The following RAB31 variants were observed in gnomAD, a reference collection of about 807,000 sequenced individuals.
The protein encoded by RAB31 is RAB31, member RAS oncogene family, also known as ras-related protein Rab-31.
A neutral mutation model predicts 25.6 loss-of-function variants in RAB31; 21 were observed. That is an observed-to-expected ratio of 0.82 (90% CI 0.58 to 1.18). The LOEUF (loss-of-function observed/expected upper bound fraction) is 1.18, where lower values mean the gene tolerates loss of function less well. RAB31 is among the 50% of genes most tolerant of loss of function. The pLI, the probability that RAB31 is intolerant of heterozygous loss-of-function variation, is 0.00. For synonymous variants in RAB31, 87 were observed against 84.0 expected, an observed-to-expected ratio of 1.04 and a Z score of -0.20; for missense variants, 196 against 250.1, an observed-to-expected ratio of 0.78 and a Z score of 1.46.
intron 1 of RAB31, among the ~76,000 whole-genome samples, chr18:9,721,488 T>C (rs1003061496): frequency 2.6e-5 from 4 of 151,990 alleles, no homozygotes; most frequent in African/African-American, 9.7e-5. Context: ...TGGTGGTGCA[T>C]GCCTGTAATC....
intron 1 of RAB31, chr18:9,775,013 A>ATT: frequency 1.7e-6 from 1 of 577,804 alleles, no homozygotes; most frequent in Non-Finnish European, 3.1e-6. Context: ...GAACATGTTC[A>ATT]TTTTTGGTTA....
intron 1 of RAB31, among the ~76,000 whole-genome samples, chr18:9,760,917 C>T (rs189159483): frequency 1.3e-5 from 2 of 152,222 alleles, no homozygotes; most frequent in African/African-American, 2.4e-5. Flanking sequence ...TAACGCTTCA[C>T]AGGGAGCTGT....
intron 6 of RAB31, chr18:9,856,327 G>T (rs1054563536): frequency 1.3e-5 from 2 of 152,208 alleles, no homozygotes; most frequent in African/African-American, 4.8e-5. Context: ...GCAGCAAAGA[G>T]GAAGGAGGTG....
chr18:9,765,060 C>A (rs1449167072), intron 1 of RAB31, among the ~76,000 whole-genome samples: 1 of 152,022 alleles, frequency 6.6e-6, no homozygotes, highest in Non-Finnish European at 1.5e-5. Flanking sequence ...TCAAGCAATT[C>A]TCTTGCCTCA....
Position 9,858,408 on chromosome 18 carries a change from C to T in RAB31, c.491-820C>T, listed in dbSNP as rs572060602. On this transcript the variant is annotated intron_variant, in intron 6 of 6. Coordinates refer to ENST00000578921, the MANE Select transcript of RAB31 (RefSeq NM_006868.4). ...ATTGAGATAAAATTCACATACCATA[C>T]ATTTCACCCATTTCAAATGTACAAT... 5.9e-5 allele frequency among the ~76,000 whole-genome samples: 9 copies of T among 152,264 alleles called. No homozygotes were observed. The South Asian group carries it at 1.9e-3, about 32-fold the overall frequency.
chr18:9,829,406 T>C (rs191472851), intron 5 of RAB31, among the ~76,000 whole-genome samples: 79 of 152,370 alleles, frequency 5.2e-4, no homozygotes, highest in African/African-American at 1.8e-3. Flanking sequence ...TACATATTCA[T>C]TGCTGTCTAC....
chr18:9,730,365 C>T (rs1386745359), intron 1 of RAB31, among the ~76,000 whole-genome samples: 2 of 150,676 alleles, frequency 1.3e-5, no homozygotes, highest in African/African-American at 4.9e-5. Flanking sequence ...TGGCTCACTG[C>T]AGCCTCTGCC....
At chr18:9,746,229 A>G (rs973177992) in intron 1 of RAB31, among the ~76,000 whole-genome samples, 11 of 152,260 alleles carry the variant, frequency 7.2e-5, no homozygotes, top group Non-Finnish European at 1.6e-4. Flanking sequence ...ATATACAATG[A>G]AAACTAAAGA....
chr18:9,724,298 A>C (rs913336186), intron 1 of RAB31, among the ~76,000 whole-genome samples: 2 of 140,644 alleles, frequency 1.4e-5, no homozygotes, highest in African/African-American at 2.7e-5. Flanking sequence ...CAAAAAAAAA[A>C]CATTATTATT....
chr18:9,760,765 G>A (rs1240328985), intron 1 of RAB31, among the ~76,000 whole-genome samples: 1 of 152,204 alleles, frequency 6.6e-6, no homozygotes, highest in Admixed American at 6.5e-5. Context: ...CTAAGGACGC[G>A]TGGAATGGGG....
intron 1 of RAB31, among the ~76,000 whole-genome samples, chr18:9,740,130 G>A (rs896636985): frequency 2.0e-5 from 3 of 152,168 alleles, no homozygotes; most frequent in African/African-American, 7.2e-5. Flanking sequence ...CCTTCAGTTC[G>A]GCTGTTGAGC....
At position 9,835,126 on chromosome 18, in the gene RAB31, G is replaced by A. The variant is rs538550977; in HGVS notation, c.381-10456G>A. On this transcript the variant is annotated intron_variant, in intron 5 of 6. Coordinates refer to ENST00000578921, the MANE Select transcript of RAB31 (RefSeq NM_006868.4). Reference sequence around the variant, plus strand: ...CGAGACACAGGTGGGTCAAGGGGTCGATCCTAGGTCCTGTAGCTAAGACGG... The same window carrying A: ...CGAGACACAGGTGGGTCAAGGGGTCAATCCTAGGTCCTGTAGCTAAGACGG... Among the ~76,000 whole-genome samples the A allele has an allele frequency of 9.2e-5, 14 of 152,208 alleles. No individual in the cohort carries two copies. The South Asian group carries it at 2.9e-3, about 32-fold the overall frequency.
intron 1 of RAB31, among the ~76,000 whole-genome samples, chr18:9,716,515 G>C (rs929564705): frequency 2.0e-5 from 3 of 152,150 alleles, no homozygotes; most frequent in Non-Finnish European, 2.9e-5. Flanking sequence ...TGCTTTATGG[G>C]AAAAGAAGGC....
intron 1 of RAB31, among the ~76,000 whole-genome samples, chr18:9,716,830 G>A (rs564208964): frequency 3.3e-5 from 5 of 151,978 alleles, no homozygotes; most frequent in African/African-American, 1.2e-4. Flanking sequence ...TTATAGCCTC[G>A]AACTCCTGGG....
chr18:9,732,895 C>A (rs910040387), intron 1 of RAB31, among the ~76,000 whole-genome samples: 3 of 152,114 alleles, frequency 2.0e-5, no homozygotes, highest in African/African-American at 7.2e-5. Flanking sequence ...GCATAATAAC[C>A]TGGAGCATGA....
chr18:9,842,095 G>A (rs183031657), intron 5 of RAB31, among the ~76,000 whole-genome samples: 1 of 152,296 alleles, frequency 6.6e-6, no homozygotes, highest in Non-Finnish European at 1.5e-5. Flanking sequence ...TAGTGAGGGC[G>A]AGGGGTGGGA....
rs1599071211 is a variant in RAB31, at chr18:9,859,255, A to G, written c.518A>G (p.His173Arg). The G allele has an allele frequency of 3.1e-6, 5 of 1,613,876 alleles. No individual in the cohort carries two copies. The highest frequency in any genetic ancestry group is 2.2e-5 in the East Asian group (1 of 44,882). Reference protein sequence around the residue: ...ISRQIPPLDPHENGNNGTIKV... With the variant: ...ISRQIPPLDPRENGNNGTIKV... Reference sequence around the variant, plus strand: ...CGCCAGATCCCACCCTTGGACCCCCATGAAAATGGAAACAATGGAACAATC... The same window carrying G: ...CGCCAGATCCCACCCTTGGACCCCCGTGAAAATGGAAACAATGGAACAATC... Residue 173 changes from histidine (H) to arginine (R), a missense_variant, in exon 7 of 7, where the codon CAT (histidine) becomes CGT (arginine). His to Arg is a conservative substitution (Grantham distance 29). Coordinates refer to ENST00000578921, the MANE Select transcript of RAB31 (RefSeq NM_006868.4).
At chr18:9,779,612 G>A (rs937309825) in intron 2 of RAB31, among the ~76,000 whole-genome samples, 7 of 152,110 alleles carry the variant, frequency 4.6e-5, no homozygotes, top group East Asian at 1.9e-4. Context: ...AGTATGCCCC[G>A]TGCAATATTT....
At chr18:9,833,361 G>A (rs769282190) in intron 5 of RAB31, among the ~76,000 whole-genome samples, 1 of 152,186 alleles carries the variant, frequency 6.6e-6, no homozygotes, top group Non-Finnish European at 1.5e-5. Context: ...GGGGGACCAT[G>A]GGACGACAGG....
Sources: gnomAD v4.1 joint callset for allele counts (sites outside exome capture counted in the v4.1 genomes callset) on GRCh38, gnomAD v4.1.1 for gene constraint, MANE v1.5 for transcripts, NCBI Gene and HGNC (gene_info 2026-07-23, HGNC 2026-07-21) for gene names.